ACCSL: variants seen among roughly 807,000 people sequenced by gnomAD.
ACCSL encodes the protein 1-aminocyclopropane-1-carboxylate synthase homolog (inactive) like.
Under a neutral mutation model 61.7 loss-of-function variants are expected in ACCSL, and 55 were observed. The observed-to-expected ratio is 0.89, with a 90% CI of 0.72 to 1.12. ACCSL has a LOEUF of 1.12. ACCSL is among the 50% of genes most tolerant of loss of function. ACCSL has a pLI of 0.00. For missense variants in ACCSL, 632 were observed against 698.0 expected, an observed-to-expected ratio of 0.91 and a Z score of 1.07; for synonymous variants, 258 against 264.3, an observed-to-expected ratio of 0.98 and a Z score of 0.23.
chr11:44,007,369 C>T, the ACCSL span, among the ~76,000 whole-genome samples: 3 of 152,172 alleles, frequency 2.0e-5, no homozygotes, highest in Non-Finnish European at 4.4e-5. Flanking sequence ...CCCCAAGGCC[C>T]GAGATTGTTC....
the ACCSL span, among the ~76,000 whole-genome samples, chr11:44,038,901 T>G: frequency 1.3e-5 from 2 of 152,222 alleles, no homozygotes; most frequent in Non-Finnish European, 2.9e-5. Flanking sequence ...TGAAGGTATT[T>G]GAATTTGCAG....
intron 3 of ACCSL, 80 bp downstream of exon 3, chr11:44,050,702 T>G (rs1952631640): frequency 7.2e-7 from 1 of 1,392,432 alleles, no homozygotes; most frequent in Non-Finnish European, 1.0e-6. Flanking sequence ...AGGCACCAAA[T>G]TCCTGGTTGG....
chr11:43,962,474 T>C, the ACCSL span, among the ~76,000 whole-genome samples: 3 of 152,214 alleles, frequency 2.0e-5, no homozygotes, highest in East Asian at 5.8e-4. Flanking sequence ...AAAAGGCAAG[T>C]GTCTAGAGCA....
the ACCSL span, among the ~76,000 whole-genome samples, chr11:43,979,716 G>T: frequency 7.9e-5 from 12 of 151,900 alleles, no homozygotes; most frequent in African/African-American, 1.4e-4. Context: ...GTGTGGTGGT[G>T]CATGCCTGTA....
intron 9 of ACCSL, among the ~76,000 whole-genome samples, chr11:44,055,516 T>C (rs1019103273): frequency 6.6e-6 from 1 of 152,200 alleles, no homozygotes; most frequent in Non-Finnish European, 1.5e-5. Flanking sequence ...AAGTCTACTG[T>C]CAAAGGTCAA....
At chr11:43,958,936 G>T in the ACCSL span, among the ~76,000 whole-genome samples, 1 of 152,096 alleles carries the variant, frequency 6.6e-6, no homozygotes, top group South Asian at 2.1e-4. Context: ...TTCCAAGATG[G>T]CGTCCTGTTG....
chr11:43,980,322 T>C, the ACCSL span, among the ~76,000 whole-genome samples: 69 of 152,334 alleles, frequency 4.5e-4, no homozygotes, highest in African/African-American at 1.6e-3. Context: ...TCATAAGTAA[T>C]CTGTGAATTT....
the ACCSL span, among the ~76,000 whole-genome samples, chr11:44,013,469 G>A: frequency 6.6e-6 from 1 of 152,038 alleles, no homozygotes; most frequent in Non-Finnish European, 1.5e-5. Flanking sequence ...TAGTAGAGAT[G>A]GGGGGTGGAG....
chr11:44,057,068 C>T (rs1216350263), intron 11 of ACCSL, among the ~76,000 whole-genome samples: 1 of 152,234 alleles, frequency 6.6e-6, no homozygotes, highest in African/African-American at 2.4e-5. Flanking sequence ...AACATAATCT[C>T]ATCTTCCAAG....
At chr11:44,059,701 C>A in intron 13 of ACCSL, 137 bp from the exon 14 acceptor site, 1 of 624,250 alleles carries the variant, frequency 1.6e-6, no homozygotes, top group Non-Finnish European at 2.8e-6. Context: ...GGAAATCCAT[C>A]CCAAAGGTGG....
At chr11:43,953,712 A>G in the ACCSL span, among the ~76,000 whole-genome samples, 1 of 152,056 alleles carries the variant, frequency 6.6e-6, no homozygotes, top group Non-Finnish European at 1.5e-5. Flanking sequence ...CAGGAAGTTC[A>G]CCTATATGAT....
the ACCSL span, among the ~76,000 whole-genome samples, chr11:43,969,278 T>C: frequency 1.4e-4 from 21 of 152,094 alleles, no homozygotes; most frequent in Non-Finnish European, 2.6e-4. Flanking sequence ...AGAGGATCAC[T>C]TGAACCCAGG....
the ACCSL span, chr11:43,943,792 C>T: frequency 7.7e-7 from 1 of 1,303,576 alleles, no homozygotes. The surrounding 1 kb of genome is among the most constrained non-coding windows in gnomAD (Gnocchi z 4.8). Context: ...ATTGCGATGG[C>T]TGAAGGCATT....
the ACCSL span, among the ~76,000 whole-genome samples, chr11:43,991,909 T>C: frequency 6.6e-6 from 1 of 152,034 alleles, no homozygotes; most frequent in African/African-American, 2.4e-5. Flanking sequence ...GACAATTTGG[T>C]CCCTTCATAT....
chr11:44,028,964 T>C, the ACCSL span, among the ~76,000 whole-genome samples: 6 of 152,308 alleles, frequency 3.9e-5, 1 homozygote, highest in African/African-American at 1.4e-4. Context: ...GGTGTGGTGA[T>C]CCTGTAGGCT....
chr11:44,054,612 A>G (rs1048211141), intron 8 of ACCSL, among the ~76,000 whole-genome samples: 7 of 152,054 alleles, frequency 4.6e-5, no homozygotes, highest in Admixed American at 2.6e-4. Context: ...ATGCGCCAAC[A>G]TACCCAGCTA....
intron 11 of ACCSL, 37 bp downstream of exon 11, chr11:44,056,363 A>C: frequency 6.3e-7 from 1 of 1,595,190 alleles, no homozygotes. Context: ...TGTTGGCTGG[A>C]CCTCATGGCC....
the ACCSL span, among the ~76,000 whole-genome samples, chr11:44,017,156 G>A: frequency 6.6e-6 from 1 of 152,184 alleles, no homozygotes; most frequent in African/African-American, 2.4e-5. Flanking sequence ...TTGTCTATGG[G>A]GGTCCAGAGG....
the ACCSL span, among the ~76,000 whole-genome samples, chr11:43,967,886 A>G: frequency 6.6e-6 from 1 of 152,084 alleles, no homozygotes; most frequent in Non-Finnish European, 1.5e-5. Context: ...TTCTCTACAC[A>G]TATGTTGCCT....
Sources: gnomAD v4.1 joint callset for allele counts (sites outside exome capture counted in the v4.1 genomes callset) on GRCh38, gnomAD v4.1.1 for gene constraint, Gnocchi (gnomAD v3.1) non-coding constraint, MANE v1.5 for transcripts, NCBI Gene and HGNC (gene_info 2026-07-23, HGNC 2026-07-21) for gene names.